GNB1L: variants seen among roughly 807,000 people sequenced by gnomAD.
GNB1L encodes G protein subunit beta 1 like.
Under a neutral mutation model 29.1 loss-of-function variants are expected in GNB1L, and 20 were observed. The observed-to-expected ratio is 0.69, with a 90% CI of 0.48 to 1.00. The LOEUF (loss-of-function observed/expected upper bound fraction) is 1.00, where lower values mean the gene tolerates loss of function less well. Among genes scored for constraint, GNB1L ranks in the 50% least tolerant of loss-of-function variants. The pLI, the probability that GNB1L is intolerant of heterozygous loss-of-function variation, is 0.00. For synonymous variants in GNB1L, 193 were observed against 206.5 expected (o/e 0.93, Z 0.56); for missense variants, 421 against 464.9 (o/e 0.91, Z 0.87).
Position 19,835,358 on chromosome 22 carries a change from GA to G in GNB1L, c.-20-13984del, listed in dbSNP as rs1270532616. Reference sequence around the variant, plus strand: ...ATAGGCCATATCCTGGGTCATAAAAGAAACCTTAAAAATGTAAAAAAAAAAA... The same window carrying G: ...ATAGGCCATATCCTGGGTCATAAAAGAACCTTAAAAATGTAAAAAAAAAAA... On this transcript the variant is annotated intron_variant, in intron 2 of 7. Coordinates refer to ENST00000329517, the MANE Select transcript of GNB1L (RefSeq NM_053004.3). 2.5e-5 allele frequency among the ~76,000 whole-genome samples: 3 copies of G among 121,786 alleles called. No individual in the cohort carries two copies. In the South Asian group the frequency reaches 7.7e-4, roughly 31 times the overall value. 79.9% of individuals were successfully genotyped at this position (121,786 alleles called of 152,430 possible).
intron 7 of GNB1L, among the ~76,000 whole-genome samples, chr22:19,800,261 A>G (rs1396419286): frequency 6.6e-6 from 1 of 152,224 alleles, no homozygotes; most frequent in Non-Finnish European, 1.5e-5. Context: ...GACGAGGCAG[A>G]TCTGGGCCAG....
chr22:19,845,479 C>T lies in GNB1L; in HGVS notation c.-21+8964G>A, dbSNP rs573279954. Among the ~76,000 whole-genome samples the T allele has an allele frequency of 1.7e-3, 252 of 152,342 alleles. 1 individual carries two copies. The highest frequency in any genetic ancestry group is 5.7e-3 in the African/African-American group (239 of 41,586). On this transcript the variant is annotated intron_variant, in intron 2 of 7. Coordinates refer to ENST00000329517, the MANE Select transcript of GNB1L (RefSeq NM_053004.3). ...AGCAGGGGGCAGGGGAGTCAGATGT[C>T]CTGTGCACCCAGCTGGCAGCCCCAC... is the stretch of plus-strand genomic sequence containing the variant.
rs201184962 is a variant in GNB1L at position 19,847,147 on chromosome 22, T to A, written c.-21+7296A>T. The A allele has an allele frequency of 1.7e-4, 170 of 985,438 alleles. 3 individuals carry two copies. In the South Asian group the frequency reaches 6.3e-3, roughly 36 times the overall value. 61.0% of individuals were successfully genotyped at this position (985,438 alleles called of 1,614,324 possible). On this transcript the variant is annotated intron_variant, in intron 2 of 7. Coordinates refer to ENST00000329517, the MANE Select transcript of GNB1L (RefSeq NM_053004.3). ...ATTACTTGTGGCCTGCTGTGGCCTT[T>A]CCCCTGCCTCAGTGAGCATGGAGAA...
At position 19,820,676 on chromosome 22, in the gene GNB1L, G is replaced by A. The variant is rs141534596; in HGVS notation, c.176C>T (p.Ala59Val). 118 of 1,613,522 alleles carry A rather than the reference G, an allele frequency of 7.3e-5. No homozygotes were observed. The African/African-American group carries it at 1.2e-3, about 17-fold the overall frequency. ...VHIWSLQTRR[A>V]VTTLDGHGGQ... ...GCCGTGGCCATCCAGGGTGGTAACC[G>A]CTCTCCGCGTCTGCAGGCTCCAGAT... Residue 59 changes from alanine to valine, a missense_variant, in exon 4 of 8, where the codon GCG (alanine) becomes GTG (valine). Transcript: ENST00000329517.
intron 2 of GNB1L, among the ~76,000 whole-genome samples, chr22:19,845,192 C>G (rs1489831498): frequency 6.6e-6 from 1 of 152,236 alleles, no homozygotes; most frequent in East Asian, 1.9e-4. Flanking sequence ...CAACTCCCGA[C>G]CACCCAGCTG....
chr22:19,850,790 C>T, intron 2 of GNB1L: 1 of 1,275,470 alleles, frequency 7.8e-7, no homozygotes, highest in Non-Finnish European at 9.9e-7. Flanking sequence ...CAGTCCCAGC[C>T]AGTGTGGAAG....
At chr22:19,819,683 G>A (rs1049097359) in intron 4 of GNB1L, among the ~76,000 whole-genome samples, 73 of 152,310 alleles carry the variant, frequency 4.8e-4, no homozygotes, top group African/African-American at 1.7e-3. Context: ...ATGGGGACAG[G>A]CCACCTCTGT....
intron 7 of GNB1L, among the ~76,000 whole-genome samples, chr22:19,800,371 C>T (rs542722481): frequency 2.0e-5 from 3 of 152,282 alleles, no homozygotes; most frequent in South Asian, 2.1e-4. Context: ...GGGTCTTCAG[C>T]GCTTTGCTGT....
rs927841044 is a variant in GNB1L, at chr22:19,816,884, A to AC, written c.254+3713dup. 1.2e-4 allele frequency among the ~76,000 whole-genome samples: 17 copies of AC among 146,688 alleles called. No individual in the cohort carries two copies. The highest frequency in any genetic ancestry group is 4.4e-4 in the South Asian group (2 of 4,502). ...CCTCCCAGGCTGCCGCTGCCACACCACCCCCCCAACCCTGCTTCTTTGACT... is the reference window on the plus strand; with the variant it reads ...CCTCCCAGGCTGCCGCTGCCACACCACCCCCCCCAACCCTGCTTCTTTGACT... On this transcript the variant is annotated intron_variant, in intron 4 of 7. Transcript: ENST00000329517. This position sits in a 1 kb window ranked among gnomAD's most constrained non-coding sequence, Gnocchi z 4.4.
chr22:19,788,899 C>A lies in GNB1L; in HGVS notation c.794G>T (p.Arg265Leu). 1 of 1,612,572 alleles carries A rather than the reference C, an allele frequency of 6.2e-7. No homozygotes were observed. The highest frequency in any genetic ancestry group is 8.5e-7 in the Non-Finnish European group (1 of 1,179,676). ...CCAGCCTGCGGTGGCCAGGATCTTG[C>A]GATCTGGCCGGATCGTGACCTCGGC... The part of the protein sequence containing the change: ...GIAEVTIRPD[R>L]KILATAGWDH... Residue 265 changes from arginine to leucine, a missense_variant, in exon 8 of 8, where the codon CGC (arginine) becomes CTC (leucine). Arg to Leu is a moderately radical substitution (Grantham distance 102). Coordinates refer to ENST00000329517, the MANE Select transcript of GNB1L (RefSeq NM_053004.3).
chr22:19,851,120 A>G, intron 2 of GNB1L: 1 of 1,531,756 alleles, frequency 6.5e-7, no homozygotes, highest in South Asian at 1.3e-5. Flanking sequence ...CAAGCCACAC[A>G]GGCCACTTCA....
intron 6 of GNB1L, among the ~76,000 whole-genome samples, chr22:19,802,690 C>T (rs967948884): frequency 2.0e-5 from 3 of 152,244 alleles, no homozygotes; most frequent in African/African-American, 7.2e-5. Flanking sequence ...TGGGGCTGGT[C>T]ACCTGTCTAG....
chr22:19,794,272 G>C (rs960569328), intron 7 of GNB1L, among the ~76,000 whole-genome samples: 1 of 152,180 alleles, frequency 6.6e-6, no homozygotes, highest in African/African-American at 2.4e-5. Flanking sequence ...AACTAATATT[G>C]TAAGGTGCAG....
rs1383612061 is a variant in GNB1L at position 19,784,350 on chromosome 22, C to A, written c.*4359G>T. 6.6e-6 allele frequency: 1 copy of A among 152,204 alleles called. No homozygotes were observed. The highest frequency in any genetic ancestry group is 1.5e-5 in the Non-Finnish European group (1 of 68,040). 9.4% of individuals were successfully genotyped at this position (152,204 alleles called of 1,614,324 possible). ...TCCTGGGCTGTGCTCCGGAGCCCTTCCCGGGATCATCTCCCGGCATCGGCT... is the reference window on the plus strand; with the variant it reads ...TCCTGGGCTGTGCTCCGGAGCCCTTACCGGGATCATCTCCCGGCATCGGCT... On this transcript the variant is annotated 3_prime_UTR_variant, in exon 8 of 8. Coordinates refer to ENST00000329517, the MANE Select transcript of GNB1L (RefSeq NM_053004.3).
intron 6 of GNB1L, among the ~76,000 whole-genome samples, chr22:19,802,535 C>A (rs538295259): frequency 7.9e-5 from 12 of 152,334 alleles, no homozygotes; most frequent in African/African-American, 2.9e-4. Context: ...CCTGCATGTG[C>A]CCACCCTGGG....
intron 2 of GNB1L, among the ~76,000 whole-genome samples, chr22:19,830,656 C>G (rs1937666574): frequency 6.6e-6 from 1 of 152,186 alleles, no homozygotes; most frequent in Non-Finnish European, 1.5e-5. Flanking sequence ...CCAACGGAAA[C>G]ACCAGCAAGC....
At chr22:19,832,784 G>A (rs2145890503) in intron 2 of GNB1L, among the ~76,000 whole-genome samples, 1 of 152,252 alleles carries the variant, frequency 6.6e-6, no homozygotes, top group East Asian at 1.9e-4. Context: ...GCTAAAAAAA[G>A]TTCCCCAATT....
At chr22:19,846,130 C>A (rs1937954419) in intron 2 of GNB1L, 1 of 134,424 alleles carries the variant, frequency 7.4e-6, no homozygotes, top group Non-Finnish European at 1.5e-5. Context: ...AAAACACAAG[C>A]CCCAAACTCA....
At chr22:19,829,814 C>G (rs926059849) in intron 2 of GNB1L, among the ~76,000 whole-genome samples, 10 of 151,936 alleles carry the variant, frequency 6.6e-5, no homozygotes, top group Non-Finnish European at 1.3e-4. Context: ...AATACGTAAA[C>G]AAACAGACAT....
Sources: gnomAD v4.1 joint callset for allele counts (sites outside exome capture counted in the v4.1 genomes callset) on GRCh38, gnomAD v4.1.1 for gene constraint, Gnocchi (gnomAD v3.1) non-coding constraint, MANE v1.5 for transcripts, NCBI Gene and HGNC (gene_info 2026-07-23, HGNC 2026-07-21) for gene names.